The following MINK1 variants were observed in gnomAD, a reference collection of about 807,000 sequenced individuals.
The protein encoded by MINK1 is misshapen-like kinase 1.
MINK1 carries 46 observed loss-of-function variants against 178.4 expected under a neutral mutation model. The observed-to-expected ratio is 0.26, with a 90% CI of 0.20 to 0.33. The LOEUF is 0.33. Ranked by LOEUF, MINK1 falls within the 10% of genes least tolerant of loss-of-function variation. The pLI, the probability that MINK1 is intolerant of heterozygous loss-of-function variation, is 1.00. For synonymous variants in MINK1, 797 were observed against 709.7 expected (o/e 1.12, Z -1.96); for missense variants, 1,366 against 1,814.9 (o/e 0.75, Z 4.49).
At chr17:4,839,147 G>A (rs1487481408) in intron 1 of MINK1, among the ~76,000 whole-genome samples, 7 of 152,126 alleles carry the variant, frequency 4.6e-5, no homozygotes, top group South Asian at 4.2e-4. Context: ...GTTTCACCGT[G>A]TTAGCCAGGA....
intron 1 of MINK1, among the ~76,000 whole-genome samples, chr17:4,849,969 C>T (rs1177678557): frequency 3.9e-5 from 6 of 152,028 alleles, no homozygotes; most frequent in African/African-American, 7.2e-5. Flanking sequence ...TTTTTTGAGA[C>T]ACTGTCTCCC....
At position 4,880,774 on chromosome 17, in the gene MINK1, C is replaced by T. The variant is rs1008251605; in HGVS notation, c.124-210C>T. ...AATTAGCCGGGCGAGGTGGTGGATGCCTGTAGTCCCAGCTATCCGGGAGGC... is the reference window on the plus strand; with the variant it reads ...AATTAGCCGGGCGAGGTGGTGGATGTCTGTAGTCCCAGCTATCCGGGAGGC... On this transcript the variant is annotated intron_variant, in intron 2 of 31. Coordinates refer to ENST00000355280, the MANE Select transcript of MINK1 (RefSeq NM_153827.5). Among the ~76,000 whole-genome samples, 7 of 152,056 alleles carry T rather than the reference C, an allele frequency of 4.6e-5. No individual in the cohort carries two copies. The South Asian group carries it at 1.5e-3, about 32-fold the overall frequency.
chr17:4,897,994 C>G lies in MINK1; in HGVS notation c.*707C>G, dbSNP rs1030446932. 9.8e-6 allele frequency: 1 copy of G among 102,150 alleles called. No homozygotes were observed. The highest frequency in any genetic ancestry group is 2.9e-5 in the African/African-American group (1 of 34,620). The allele number at this position is 102,150 out of a possible 1,614,324, so 6.3% of individuals were successfully genotyped here. Reference sequence around the variant, plus strand: ...AGTAACCCTTCTCCCTCCCCCCCCACCCCTCCTCAATGTAGTGGCCTTGGA... The same window carrying G: ...AGTAACCCTTCTCCCTCCCCCCCCAGCCCTCCTCAATGTAGTGGCCTTGGA... On this transcript the variant is annotated 3_prime_UTR_variant, in exon 32 of 32. Coordinates refer to ENST00000355280, the MANE Select transcript of MINK1 (RefSeq NM_153827.5).
At position 4,891,690 on chromosome 17, in the gene MINK1, C is replaced by T. The variant is rs575955726; in HGVS notation, c.1975C>T (p.Arg659Cys). 7.6e-5 allele frequency: 122 copies of T among 1,602,642 alleles called. 3 individuals are homozygous for T. Among genetic ancestry groups the T allele is most frequent in the South Asian group, 6.2e-4 (55 of 89,240 alleles). Residue 659 changes from arginine to cysteine, a missense_variant, in exon 16 of 32, where the codon CGC (arginine) becomes TGC (cysteine). This residue lies in a region of MINK1 where 709 missense variants were observed against 692.3 expected (regional missense o/e 1.02). Transcript: ENST00000355280. ...GPSPNPPAWVRPDNEAPPKVP... is the reference protein window; with the variant it reads ...GPSPNPPAWVCPDNEAPPKVP... ...CAGCCCGAATCCCCCAGCCTGGGTC[C>T]GCCCAGATAACGAGGCCCCACCCAA...
chr17:4,890,900 T>G, intron 14 of MINK1, 51 bp from the exon 15 acceptor site: 2 of 1,550,394 alleles, frequency 1.3e-6, no homozygotes, highest in Non-Finnish European at 1.7e-6. Context: ...CCCTCAGTTT[T>G]GAGAACAGGG....
intron 1 of MINK1, among the ~76,000 whole-genome samples, chr17:4,861,189 C>T (rs560144290): frequency 2.0e-5 from 3 of 152,184 alleles, no homozygotes; most frequent in Non-Finnish European, 4.4e-5. Flanking sequence ...CCTAGTGAGG[C>T]GAGTGCAGTG....
chr17:4,891,402 G>A lies in MINK1; in HGVS notation c.1741-54G>A, dbSNP rs1241675494. ...TTCCCACCCCAGACCCCAATTCGCA[G>A]GTGGGGATGTGCCATGGAGCAGGCA... On this transcript the variant is annotated intron_variant, in intron 15 of 31. Transcript: ENST00000355280. The A allele has an allele frequency of 2.9e-5, 44 of 1,510,038 alleles. No homozygotes were observed. In the South Asian group the frequency reaches 5.9e-4, roughly 20 times the overall value. 93.5% of individuals were successfully genotyped at this position (1,510,038 alleles called of 1,614,324 possible).
chr17:4,862,068 C>T (rs1459808155), intron 1 of MINK1, among the ~76,000 whole-genome samples: 3 of 152,224 alleles, frequency 2.0e-5, no homozygotes, highest in East Asian at 3.9e-4. Flanking sequence ...TGGCTCCTGC[C>T]CTTAATGAGC....
chr17:4,857,568 GC>G (rs1284753577), intron 1 of MINK1, among the ~76,000 whole-genome samples: 3 of 138,462 alleles, frequency 2.2e-5, no homozygotes, highest in Non-Finnish European at 3.1e-5. Flanking sequence ...CAGGGCTCAA[GC>G]CATTCTCATG....
At chr17:4,847,470 C>A (rs1318835173) in intron 1 of MINK1, among the ~76,000 whole-genome samples, 3 of 152,124 alleles carry the variant, frequency 2.0e-5, no homozygotes, top group African/African-American at 7.2e-5. Flanking sequence ...GGGAGTGTTT[C>A]CCGAGGACTG....
At chr17:4,854,932 C>T (rs529314548) in intron 1 of MINK1, among the ~76,000 whole-genome samples, 7 of 152,246 alleles carry the variant, frequency 4.6e-5, no homozygotes, top group Middle Eastern at 6.8e-3. Context: ...CCAGGCTGGG[C>T]GCGGTGGCTC....
intron 1 of MINK1, among the ~76,000 whole-genome samples, chr17:4,861,414 G>A (rs895467194): frequency 6.6e-6 from 1 of 152,190 alleles, no homozygotes; most frequent in African/African-American, 2.4e-5. Flanking sequence ...GAGGCGCTCT[G>A]TCTGTTATTC....
chr17:4,846,866 G>A lies in MINK1; in HGVS notation c.57+13226G>A, dbSNP rs976731422. ...TACATTTCAGAAGGTGCCAGCAGTCGGCCAAGGCCTCAGAGCTAGTGAGAG... is the reference window on the plus strand; with the variant it reads ...TACATTTCAGAAGGTGCCAGCAGTCAGCCAAGGCCTCAGAGCTAGTGAGAG... On this transcript the variant is annotated intron_variant, in intron 1 of 31. Coordinates refer to ENST00000355280, the MANE Select transcript of MINK1 (RefSeq NM_153827.5). Among the ~76,000 whole-genome samples, 11 of 152,222 alleles carry A rather than the reference G, an allele frequency of 7.2e-5. No homozygotes were observed. The South Asian group carries it at 1.9e-3, about 26-fold the overall frequency.
intron 1 of MINK1, among the ~76,000 whole-genome samples, chr17:4,877,198 CAA>C (rs371381568): frequency 6.8e-6 from 1 of 147,378 alleles, no homozygotes; most frequent in Admixed American, 6.8e-5. Flanking sequence ...TTCTTTCTCT[CAA>C]AAAAAAAAGG....
At chr17:4,856,327 ATC>A (rs1386168414) in intron 1 of MINK1, among the ~76,000 whole-genome samples, 1 of 152,036 alleles carries the variant, frequency 6.6e-6, no homozygotes, top group African/African-American at 2.4e-5. Context: ...TGTGTCCAGT[ATC>A]TCTGCTTGGG....
chr17:4,837,338 A>G (rs1251091876), intron 1 of MINK1, among the ~76,000 whole-genome samples: 2 of 152,354 alleles, frequency 1.3e-5, no homozygotes, highest in African/African-American at 2.4e-5. Flanking sequence ...AACACGTGCC[A>G]CTTACAACAC....
chr17:4,859,563 G>C (rs1277533650), intron 1 of MINK1, among the ~76,000 whole-genome samples: 1 of 151,948 alleles, frequency 6.6e-6, no homozygotes, highest in East Asian at 1.9e-4. Flanking sequence ...TGAGGCGGAT[G>C]GATCACATGA....
rs950273219 is a variant in MINK1 at position 4,895,628 on chromosome 17, A to C, written c.3230-70A>C. The C allele has an allele frequency of 2.3e-5, 37 of 1,579,578 alleles. No individual in the cohort carries two copies. Among genetic ancestry groups the C allele is most frequent in the African/African-American group, 4.0e-5 (3 of 74,362 alleles). ...ACCCCTTGTGGTATGCTGACAGAGGAGGCCAGGGCGGTGGCATTCGGGCCT... is the reference window on the plus strand; with the variant it reads ...ACCCCTTGTGGTATGCTGACAGAGGCGGCCAGGGCGGTGGCATTCGGGCCT... On this transcript the variant is annotated intron_variant, in intron 26 of 31. Coordinates refer to ENST00000355280, the MANE Select transcript of MINK1 (RefSeq NM_153827.5). This position sits in a 1 kb window ranked among gnomAD's most constrained non-coding sequence, Gnocchi z 4.3.
Position 4,895,511 on chromosome 17 carries a change from G to C in MINK1, c.3229+18G>C, listed in dbSNP as rs376247041. The C allele has an allele frequency of 1.3e-6, 2 of 1,559,512 alleles. No homozygotes were observed. The highest frequency in any genetic ancestry group is 1.7e-6 in the Non-Finnish European group (2 of 1,148,866). On this transcript the variant is annotated intron_variant, in intron 26 of 31. Transcript: ENST00000355280. This position sits in a 1 kb window ranked among gnomAD's most constrained non-coding sequence, Gnocchi z 4.3. ...CATCTCAGGTACAGGTGTGGTGAGT[G>C]GGGGAGGGAGGAGGGGCTCAGCTCC... is the stretch of plus-strand genomic sequence containing the variant.
Sources: allele counts gnomAD v4.1 joint callset (sites outside exome capture counted in the v4.1 genomes callset), GRCh38; gene constraint gnomAD v4.1.1; regional missense constraint gnomAD v4.1.1; non-coding constraint Gnocchi (gnomAD v3.1); transcripts MANE v1.5; gene names NCBI Gene and HGNC (gene_info 2026-07-23, HGNC 2026-07-21).